SHISAL2A: variants seen among roughly 807,000 people sequenced by gnomAD.
SHISAL2A encodes the protein protein shisa-like-2A.
SHISAL2A carries 18 observed loss-of-function variants against 11.5 expected under a neutral mutation model. The observed-to-expected ratio is 1.57, with a 90% CI of 1.08 to 2.33. SHISAL2A has a LOEUF of 2.33. SHISAL2A is among the 30% of genes most tolerant of loss of function. The probability of loss-of-function intolerance (pLI) is 0.00; values close to 1 mark genes in which losing one functional copy is unlikely to be tolerated. For missense variants in SHISAL2A, 261 were observed against 250.9 expected, an observed-to-expected ratio of 1.04 and a Z score of -0.27; for synonymous variants, 94 against 99.6, an observed-to-expected ratio of 0.94 and a Z score of 0.34.
chr1:52,657,336 A>G (rs1224514066), downstream of SHISAL2A, among the ~76,000 whole-genome samples: 2 of 152,304 alleles, frequency 1.3e-5, no homozygotes, highest in South Asian at 2.1e-4. Flanking sequence ...GAACTCTGAC[A>G]TGGTTTTCCT....
chr1:52,662,631 G>A (rs1262604403), intron 4 of SHISAL2A, among the ~76,000 whole-genome samples: 1 of 151,428 alleles, frequency 6.6e-6, no homozygotes, highest in Non-Finnish European at 1.5e-5. Flanking sequence ...GATTACAGGC[G>A]TGAGGTACCG....
Position 52,633,569 on chromosome 1 carries a change from G to T in SHISAL2A, c.76G>T (p.Gly26Cys), listed in dbSNP as rs370615863. The change falls in exon 1 of 3, where the codon GGC becomes TGC. Residue 26 changes from glycine (G) to cysteine (C), a missense_variant. Physicochemically the swap from Gly to Cys is radical, Grantham distance 159. Coordinates refer to ENST00000517870, the MANE Select transcript of SHISAL2A (RefSeq NM_001042693.3). The surrounding 1 kb of genome is among the most constrained non-coding windows in gnomAD (Gnocchi z 6.4). ...CGGCTTCAGCTGCCCGCGGCCGGGG[G>T]GCGAGGCGGCCGCTGTCTTCTGCTG... ...VRGFSCPRPG[G>C]EAAAVFCCGF... 1.9e-6 allele frequency: 3 copies of T among 1,611,228 alleles called. No homozygotes were observed. Among genetic ancestry groups the T allele is most frequent in the Non-Finnish European group, 1.7e-6 (2 of 1,178,956 alleles).
downstream of SHISAL2A, among the ~76,000 whole-genome samples, chr1:52,657,244 C>T (rs1038903598): frequency 6.6e-6 from 1 of 152,148 alleles, no homozygotes; most frequent in Non-Finnish European, 1.5e-5. Flanking sequence ...GAAAAATGGT[C>T]AGTAACAACT....
At chr1:52,653,895 C>T (rs1208953076) in intron 2 of SHISAL2A, among the ~76,000 whole-genome samples, 4 of 151,784 alleles carry the variant, frequency 2.6e-5, no homozygotes, top group East Asian at 3.9e-4. Context: ...TTAGGCCAGT[C>T]GTATTTTCTG....
intron 4 of SHISAL2A, among the ~76,000 whole-genome samples, chr1:52,662,636 G>T (rs1691929968): frequency 1.3e-5 from 2 of 151,146 alleles, no homozygotes; most frequent in African/African-American, 2.4e-5. Context: ...CAGGCGTGAG[G>T]TACCGCCCCC....
At chr1:52,666,153 T>A (rs149355493) in intron 4 of SHISAL2A, among the ~76,000 whole-genome samples, 1 of 152,262 alleles carries the variant, frequency 6.6e-6, no homozygotes, top group African/African-American at 2.4e-5. Flanking sequence ...TAAAGTGATA[T>A]CTAAATGCAG....
chr1:52,664,650 C>T (rs888443849), intron 4 of SHISAL2A, among the ~76,000 whole-genome samples: 33 of 152,138 alleles, frequency 2.2e-4, no homozygotes, highest in African/African-American at 8.0e-4. Context: ...TGAGCCACCG[C>T]GCTCGGCCCT....
chr1:52,648,357 C>T (rs968016850), intron 2 of SHISAL2A, among the ~76,000 whole-genome samples: 12 of 151,940 alleles, frequency 7.9e-5, no homozygotes, highest in Non-Finnish European at 1.8e-4. Flanking sequence ...ACAATATAGG[C>T]AAAAGGAATG....
chr1:52,659,032 G>T (rs1459057392), downstream of SHISAL2A, among the ~76,000 whole-genome samples: 1 of 127,242 alleles, frequency 7.9e-6, no homozygotes, highest in African/African-American at 3.3e-5. Context: ...TGGTGGTGGT[G>T]GTGGTGGTGG....
rs1478551204 is a variant in SHISAL2A, at chr1:52,633,488, G to A, written c.-6G>A. 6.7e-7 allele frequency: 1 copy of A among 1,493,404 alleles called. No individual in the cohort carries two copies. The highest frequency in any genetic ancestry group is 2.8e-5 in the East Asian group (1 of 35,308). The allele number at this position is 1,493,404 out of a possible 1,614,324, so 92.5% of individuals were successfully genotyped here. A position where few individuals can be genotyped will look rare whatever the true frequency, so the allele number is the denominator to read the frequency against. ...CGAGGTGGCGGCGGGCTGGGCGCGG[G>A]GCGCGATGAGCGGCGCCTGCACGAG... On this transcript the variant is annotated 5_prime_UTR_variant, in exon 1 of 3. Transcript: ENST00000517870. The surrounding 1 kb of genome is among the most constrained non-coding windows in gnomAD (Gnocchi z 6.4).
At chr1:52,650,929 G>A (rs1212299348) in intron 2 of SHISAL2A, among the ~76,000 whole-genome samples, 1 of 149,772 alleles carries the variant, frequency 6.7e-6, no homozygotes, top group Non-Finnish European at 1.5e-5. Flanking sequence ...ACAGGCATGA[G>A]CCACCACGCC....
chr1:52,666,472 T>TAA (rs1156900867), intron 4 of SHISAL2A, among the ~76,000 whole-genome samples: 1 of 152,048 alleles, frequency 6.6e-6, no homozygotes, highest in Non-Finnish European at 1.5e-5. Flanking sequence ...ATTAATTAAT[T>TAA]AAATGCAGTG....
chr1:52,664,969 A>G (rs1040080520), intron 4 of SHISAL2A, among the ~76,000 whole-genome samples: 1 of 152,076 alleles, frequency 6.6e-6, no homozygotes, highest in Non-Finnish European at 1.5e-5. Flanking sequence ...TTGTATTTTT[A>G]GTAGAGACGA....
chr1:52,656,743 T>C (rs2149891403), intron 2 of SHISAL2A, 47 bp from the exon 3 acceptor site: 2 of 1,558,042 alleles, frequency 1.3e-6, no homozygotes, highest in Non-Finnish European at 8.7e-7. Flanking sequence ...AGTGTGATCC[T>C]GTTGGGGAAG....
At chr1:52,650,643 C>CTTTTTT (rs35001247) in intron 2 of SHISAL2A, among the ~76,000 whole-genome samples, 2 of 108,116 alleles carry the variant, frequency 1.8e-5, no homozygotes, top group Admixed American at 1.2e-4. Flanking sequence ...TTTTAAAACC[C>CTTTTTT]TTTTTTTTTT....
intron 2 of SHISAL2A, among the ~76,000 whole-genome samples, chr1:52,649,738 C>T (rs1235010098): frequency 6.6e-6 from 1 of 152,186 alleles, no homozygotes; most frequent in Non-Finnish European, 1.5e-5. Context: ...TGATTATTAT[C>T]AACTCCCATT....
At chr1:52,666,616 G>A (rs1692019038) in intron 4 of SHISAL2A, among the ~76,000 whole-genome samples, 1 of 151,946 alleles carries the variant, frequency 6.6e-6, no homozygotes, top group African/African-American at 2.4e-5. Flanking sequence ...AGTTTTTTGA[G>A]TGCTTACTAT....
At chr1:52,664,357 ATT>A (rs374012574) in intron 4 of SHISAL2A, among the ~76,000 whole-genome samples, 7 of 132,574 alleles carry the variant, frequency 5.3e-5, no homozygotes, top group Admixed American at 7.4e-5. Flanking sequence ...CGCCCAGCTA[ATT>A]TTTTTTTTTT....
intron 4 of SHISAL2A, among the ~76,000 whole-genome samples, chr1:52,665,961 C>T (rs1028541032): frequency 2.6e-5 from 4 of 152,136 alleles, no homozygotes; most frequent in Admixed American, 6.6e-5. Flanking sequence ...ACCAGAGCAC[C>T]GGCCCTGGGC....
Sources: allele counts gnomAD v4.1 joint callset (sites outside exome capture counted in the v4.1 genomes callset), GRCh38; gene constraint gnomAD v4.1.1; non-coding constraint Gnocchi (gnomAD v3.1); transcripts MANE v1.5; gene names NCBI Gene and HGNC (gene_info 2026-07-23, HGNC 2026-07-21).